Variants in ZMAT4 observed in about 807,000 individuals in gnomAD.
ZMAT4 encodes the protein zinc finger matrin-type protein 4.
A neutral mutation model predicts 28.7 loss-of-function variants in ZMAT4; 17 were observed. The ratio of observed to expected loss-of-function variants is 0.59; its 90% CI spans 0.41 to 0.89. The LOEUF is 0.89. Among genes scored for constraint, ZMAT4 ranks in the 40% least tolerant of loss-of-function variants. The probability of loss-of-function intolerance (pLI) is 0.00; values close to 1 mark genes in which losing one functional copy is unlikely to be tolerated. For synonymous variants in ZMAT4, 117 were observed against 109.2 expected (o/e 1.07, Z -0.44); for missense variants, 240 against 283.8 (o/e 0.85, Z 1.11).
At chr8:40,572,888 G>A (rs533503127) in intron 6 of ZMAT4, among the ~76,000 whole-genome samples, 2 of 152,128 alleles carry the variant, frequency 1.3e-5, no homozygotes, top group Admixed American at 6.5e-5. Context: ...ATTACAGTTT[G>A]ATTAGTTATC....
intron 1 of ZMAT4, among the ~76,000 whole-genome samples, chr8:40,864,343 A>G (rs75570263): frequency 0.022 from 3,392 of 152,346 alleles, 131 homozygotes; most frequent in African/African-American, 0.077. Context: ...AGAACTTTGC[A>G]TAAATGAAAG....
At chr8:40,533,148 T>C (rs1474526567) in intron 6 of ZMAT4, among the ~76,000 whole-genome samples, 1 of 152,234 alleles carries the variant, frequency 6.6e-6, no homozygotes, top group Non-Finnish European at 1.5e-5. Context: ...ACATTTACTT[T>C]ACATTTTAAT....
At chr8:40,882,205 G>A (rs1034181096) in intron 1 of ZMAT4, among the ~76,000 whole-genome samples, 5 of 152,120 alleles carry the variant, frequency 3.3e-5, no homozygotes, top group Admixed American at 6.5e-5. Flanking sequence ...TAGAGAGATC[G>A]ATAGGGTTTT....
intron 4 of ZMAT4, among the ~76,000 whole-genome samples, chr8:40,676,244 G>C (rs1808903689): frequency 6.6e-6 from 1 of 152,082 alleles, no homozygotes; most frequent in Admixed American, 6.6e-5. Flanking sequence ...CTTTCCCAAG[G>C]ATCCTTTTCA....
At chr8:40,631,372 G>A (rs1585785453) in intron 5 of ZMAT4, among the ~76,000 whole-genome samples, 1 of 152,076 alleles carries the variant, frequency 6.6e-6, no homozygotes, top group African/African-American at 2.4e-5. Flanking sequence ...TGGCCAGGCT[G>A]GTCTCAAACT....
At chr8:40,606,001 CT>C (rs985074717) in intron 5 of ZMAT4, among the ~76,000 whole-genome samples, 22 of 152,142 alleles carry the variant, frequency 1.4e-4, no homozygotes, top group African/African-American at 5.1e-4. Context: ...ACTTCTGTCA[CT>C]TTTGGTGTCC....
chr8:40,641,239 C>T (rs1286245007), intron 5 of ZMAT4, among the ~76,000 whole-genome samples: 1 of 152,108 alleles, frequency 6.6e-6, no homozygotes, highest in Non-Finnish European at 1.5e-5. Flanking sequence ...TAACTGGGCA[C>T]ATTGCTAAAT....
chr8:40,877,857 T>C (rs556911607), intron 1 of ZMAT4, among the ~76,000 whole-genome samples: 1 of 152,162 alleles, frequency 6.6e-6, no homozygotes, highest in South Asian at 2.1e-4. Flanking sequence ...GCCACGGTCA[T>C]GTCAGATCTT....
chr8:40,589,266 C>G (rs1804772618), intron 5 of ZMAT4, among the ~76,000 whole-genome samples: 1 of 152,186 alleles, frequency 6.6e-6, no homozygotes, highest in Non-Finnish European at 1.5e-5. Context: ...CAGACTTACT[C>G]AAAACCATCT....
intron 5 of ZMAT4, among the ~76,000 whole-genome samples, chr8:40,612,811 G>GTTTTTTT (rs57134245): frequency 7.0e-4 from 60 of 86,220 alleles, no homozygotes; most frequent in East Asian, 1.8e-3. Flanking sequence ...TTTGGTTTTT[G>GTTTTTTT]TTTTTTTTTT....
At chr8:40,749,764 G>A (rs1449913841) in intron 3 of ZMAT4, among the ~76,000 whole-genome samples, 1 of 152,172 alleles carries the variant, frequency 6.6e-6, no homozygotes, top group African/African-American at 2.4e-5. Context: ...ATGCATCAAA[G>A]GCGGCCACAG....
chr8:40,673,909 C>T (rs1253754664), intron 5 of ZMAT4, among the ~76,000 whole-genome samples: 1 of 152,016 alleles, frequency 6.6e-6, no homozygotes, highest in Non-Finnish European at 1.5e-5. Context: ...CAGGTGTTGA[C>T]TACATAGTGC....
At chr8:40,791,681 AG>A (rs1814330581) in intron 2 of ZMAT4, among the ~76,000 whole-genome samples, 1 of 152,190 alleles carries the variant, frequency 6.6e-6, no homozygotes, top group African/African-American at 2.4e-5. Flanking sequence ...CTCAGAACAT[AG>A]ATTTTTTTAA....
intron 3 of ZMAT4, among the ~76,000 whole-genome samples, chr8:40,765,733 C>T (rs9298602): frequency 0.97 from 146,967 of 152,226 alleles, 71,156 homozygotes; most frequent in East Asian, 1. Flanking sequence ...CCATCTTGAG[C>T]CTGTACAACT....
chr8:40,659,782 A>T lies in ZMAT4; in HGVS notation c.577+14922T>A, dbSNP rs535946938. On this transcript the variant is annotated intron_variant, in intron 5 of 6. Transcript: ENST00000297737. ...GACTGAGGCCCAGAGAGATGAAGCA[A>T]CTCATCAAGGTCTCACAGTTACTTA... Among the ~76,000 whole-genome samples, 288 of 152,236 alleles carry T rather than the reference A, an allele frequency of 1.9e-3. 2 individuals are homozygous for T. Among genetic ancestry groups the T allele is most frequent in the African/African-American group, 6.5e-3 (272 of 41,548 alleles).
At chr8:40,595,900 A>G (rs1205611368) in intron 5 of ZMAT4, among the ~76,000 whole-genome samples, 1 of 152,246 alleles carries the variant, frequency 6.6e-6, no homozygotes, top group East Asian at 1.9e-4. Flanking sequence ...CCTGGTCAAC[A>G]TGGTGAAACC....
intron 4 of ZMAT4, among the ~76,000 whole-genome samples, chr8:40,692,896 GT>G (rs1809718167): frequency 6.6e-6 from 1 of 152,104 alleles, no homozygotes. Context: ...AAAAAAAGAG[GT>G]TGGGGGCAGG....
chr8:40,708,040 A>C (rs1412044380), intron 3 of ZMAT4, among the ~76,000 whole-genome samples: 2 of 152,234 alleles, frequency 1.3e-5, no homozygotes, highest in African/African-American at 4.8e-5. Flanking sequence ...TAAAAAACTC[A>C]CAGATAATAT....
At chr8:40,540,670 C>G (rs140725113) in intron 6 of ZMAT4, among the ~76,000 whole-genome samples, 9 of 152,296 alleles carry the variant, frequency 5.9e-5, no homozygotes, top group African/African-American at 1.7e-4. Flanking sequence ...GTGCAGGCAT[C>G]CTGGGACCCT....
Sources: gnomAD v4.1 joint callset for allele counts (sites outside exome capture counted in the v4.1 genomes callset) on GRCh38, gnomAD v4.1.1 for gene constraint, MANE v1.5 for transcripts, NCBI Gene and HGNC (gene_info 2026-07-23, HGNC 2026-07-21) for gene names.